The following DYNC1LI1 variants were observed in gnomAD, a reference collection of about 807,000 sequenced individuals.
DYNC1LI1 encodes cytoplasmic dynein 1 light intermediate chain 1.
Under a neutral mutation model 63.8 loss-of-function variants are expected in DYNC1LI1, and 19 were observed. The ratio of observed to expected loss-of-function variants is 0.30; its 90% confidence interval spans 0.21 to 0.44. The LOEUF is 0.44. Among genes scored for constraint, DYNC1LI1 ranks in the 20% least tolerant of loss-of-function variants. DYNC1LI1 has a pLI of 1.00. For synonymous variants in DYNC1LI1, 225 were observed against 232.3 expected (o/e 0.97, Z 0.28); for missense variants, 565 against 630.2 (o/e 0.90, Z 1.11).
At chr3:32,563,416 C>G (rs912566595) in intron 2 of DYNC1LI1, among the ~76,000 whole-genome samples, 1 of 151,548 alleles carries the variant, frequency 6.6e-6, no homozygotes. Context: ...CTCTACCTCT[C>G]GAGTGGCTGG....
In DYNC1LI1 at chr3:32,544,866, GA is replaced by G. The variant is rs746902799; in HGVS notation, c.568+9del. On this transcript the variant is annotated intron_variant, in intron 4 of 12. Transcript: ENST00000273130. ...TTTGAAACCTACATTACTGTTTCTA[GA>G]TTACTTACACTTTTGTTCCATTTGT... The G allele has an allele frequency of 6.4e-7, 1 of 1,568,992 alleles. No individual in the cohort carries two copies. The highest frequency in any genetic ancestry group is 1.7e-5 in the Admixed American group (1 of 59,908).
intron 2 of DYNC1LI1, 101 bp downstream of exon 2, chr3:32,570,245 G>T (rs1232069734): frequency 1.0e-6 from 1 of 983,182 alleles, no homozygotes; most frequent in South Asian, 1.4e-5. Flanking sequence ...GCGGGGCTGG[G>T]CCGGCTGTCC....
intron 8 of DYNC1LI1, chr3:32,532,153 G>C (rs1487968088): frequency 6.6e-6 from 1 of 152,070 alleles, no homozygotes; most frequent in Non-Finnish European, 1.5e-5. Context: ...TGATTGGATA[G>C]ATTGATATGT....
At chr3:32,547,100 G>A (rs1237700407) in intron 2 of DYNC1LI1, among the ~76,000 whole-genome samples, 2 of 152,034 alleles carry the variant, frequency 1.3e-5, no homozygotes, top group East Asian at 3.9e-4. Context: ...AAAATTAGCA[G>A]GGCACAGTGG....
intron 2 of DYNC1LI1, among the ~76,000 whole-genome samples, chr3:32,551,370 G>A (rs1412467643): frequency 6.6e-6 from 1 of 152,160 alleles, no homozygotes; most frequent in Non-Finnish European, 1.5e-5. Flanking sequence ...ATCCTTCTAG[G>A]AAGGACAAAT....
intron 2 of DYNC1LI1, among the ~76,000 whole-genome samples, chr3:32,553,190 C>A (rs530286754): frequency 6.6e-6 from 1 of 152,028 alleles, no homozygotes; most frequent in Non-Finnish European, 1.5e-5. Flanking sequence ...GAAAAATTGG[C>A]CAGGTGTGGT....
chr3:32,532,935 C>G (rs755192202), intron 8 of DYNC1LI1, 51 bp downstream of exon 8: 1 of 1,498,874 alleles, frequency 6.7e-7, no homozygotes, highest in East Asian at 2.6e-5. Flanking sequence ...TGGAATTCCC[C>G]TCAGGTTAGT....
At position 32,526,608 on chromosome 3, in the gene DYNC1LI1, T is replaced by C. The variant is rs1697621532; in HGVS notation, c.*191A>G. ...ATGCAAACAGCAATCCTACATAATG[T>C]AGAATAATTTTTCTTCTGTACGGCT... On this transcript the variant is annotated 3_prime_UTR_variant, in exon 13 of 13. Coordinates refer to ENST00000273130, the MANE Select transcript of DYNC1LI1 (RefSeq NM_016141.4). 8.7e-6 allele frequency: 4 copies of C among 459,554 alleles called. No homozygotes were observed. The highest frequency in any genetic ancestry group is 1.2e-5 in the Non-Finnish European group (3 of 252,956). 28.5% of individuals were successfully genotyped at this position (459,554 alleles called of 1,614,324 possible).
chr3:32,563,309 G>C (rs1444232816), intron 2 of DYNC1LI1, among the ~76,000 whole-genome samples: 2 of 53,386 alleles, frequency 3.7e-5, no homozygotes, highest in African/African-American at 6.6e-5. Context: ...TTTTTTTTTT[G>C]AGATGGAGTC....
chr3:32,544,344 T>C (rs1426195376), intron 4 of DYNC1LI1, among the ~76,000 whole-genome samples: 7 of 152,194 alleles, frequency 4.6e-5, no homozygotes, highest in Admixed American at 4.6e-4. Flanking sequence ...CAAAGCTACT[T>C]TCCAAAATGA....
At chr3:32,537,889 T>A (rs1334720329) in intron 5 of DYNC1LI1, among the ~76,000 whole-genome samples, 6 of 90,228 alleles carry the variant, frequency 6.6e-5, no homozygotes, top group South Asian at 2.8e-4. Flanking sequence ...ATATATATAA[T>A]TTATATATAT....
At chr3:32,538,712 A>T (rs1256814040) in intron 5 of DYNC1LI1, among the ~76,000 whole-genome samples, 2 of 152,172 alleles carry the variant, frequency 1.3e-5, no homozygotes, top group East Asian at 3.9e-4. Flanking sequence ...AAAAAAAAAA[A>T]AATTTTTTTT....
intron 7 of DYNC1LI1, among the ~76,000 whole-genome samples, chr3:32,533,777 GTCTTGGGC>G (rs1226106737): frequency 6.6e-6 from 1 of 151,738 alleles, no homozygotes; most frequent in African/African-American, 2.4e-5. Flanking sequence ...GCTCAGGCTA[GTCTTGGGC>G]TCTTGGGCTC....
At position 32,536,043 on chromosome 3, in the gene DYNC1LI1, C is replaced by T. The variant is rs530202584; in HGVS notation, c.832+968G>A. Among the ~76,000 whole-genome samples the T allele has an allele frequency of 2.3e-4, 35 of 152,158 alleles. No individual in the cohort carries two copies. The South Asian group carries it at 7.1e-3, about 31-fold the overall frequency. The stretch of plus-strand genomic sequence containing the variant: ...TATGGTAGACTAGTACCCTTTAACT[C>T]AACCAACTCAGCCATTTGGTGACAT... On this transcript the variant is annotated intron_variant, in intron 6 of 12. Transcript: ENST00000273130.
At chr3:32,554,020 G>GTTGT (rs1698078645) in intron 2 of DYNC1LI1, among the ~76,000 whole-genome samples, 1 of 152,162 alleles carries the variant, frequency 6.6e-6, no homozygotes, top group Admixed American at 6.5e-5. Flanking sequence ...TCTAATCTAT[G>GTTGT]TAACAACAAC....
chr3:32,555,072 G>A (rs1312650348), intron 2 of DYNC1LI1, among the ~76,000 whole-genome samples: 1 of 151,940 alleles, frequency 6.6e-6, no homozygotes, highest in Middle Eastern at 3.2e-3. Flanking sequence ...GTTTCACCAT[G>A]TTGCCCAGGC....
intron 2 of DYNC1LI1, among the ~76,000 whole-genome samples, chr3:32,546,610 C>G (rs1229519898): frequency 6.6e-6 from 1 of 152,106 alleles, no homozygotes; most frequent in Non-Finnish European, 1.5e-5. Flanking sequence ...GAATAAAAGA[C>G]TCTTACTCTT....
intron 2 of DYNC1LI1, among the ~76,000 whole-genome samples, chr3:32,568,928 GATCCT>G (rs1698305396): frequency 6.6e-6 from 1 of 151,180 alleles, no homozygotes; most frequent in African/African-American, 2.4e-5. Flanking sequence ...TTTGCTTTTG[GATCCT>G]AATTTATTTT....
intron 2 of DYNC1LI1, among the ~76,000 whole-genome samples, chr3:32,568,007 T>C (rs1698292341): frequency 6.6e-6 from 1 of 152,060 alleles, no homozygotes; most frequent in African/African-American, 2.4e-5. Flanking sequence ...CAGGCCAATT[T>C]TTTTATTTTT....
Sources: allele counts gnomAD v4.1 joint callset (sites outside exome capture counted in the v4.1 genomes callset), GRCh38; gene constraint gnomAD v4.1.1; transcripts MANE v1.5; gene names NCBI Gene and HGNC (gene_info 2026-07-23, HGNC 2026-07-21).